The following PDE6A variants were observed in gnomAD, a reference collection of about 807,000 sequenced individuals.
PDE6A encodes phosphodiesterase 6A, also known as rod cGMP-specific 3',5'-cyclic phosphodiesterase subunit alpha.
A neutral mutation model predicts 106.3 loss-of-function variants in PDE6A; 84 were observed. That is an observed-to-expected ratio of 0.79 (90% CI 0.66 to 0.95). PDE6A has a LOEUF of 0.95. Among genes scored for constraint, PDE6A ranks in the 40% least tolerant of loss-of-function variants. The pLI, the probability that PDE6A is intolerant of heterozygous loss-of-function variation, is 0.00. For missense variants in PDE6A, 1,052 were observed against 1,084.9 expected, an observed-to-expected ratio of 0.97 and a Z score of 0.43; for synonymous variants, 394 against 386.6, an observed-to-expected ratio of 1.02 and a Z score of -0.23.
At chr5:149,916,923 G>A (rs1173353687) in intron 5 of PDE6A, among the ~76,000 whole-genome samples, 1 of 152,174 alleles carries the variant, frequency 6.6e-6, no homozygotes, top group Non-Finnish European at 1.5e-5. Context: ...CTGGGCCGGT[G>A]CCTGTCTTGT....
intron 4 of PDE6A, among the ~76,000 whole-genome samples, chr5:149,926,171 G>A (rs1419260635): frequency 6.6e-6 from 1 of 152,090 alleles, no homozygotes; most frequent in Admixed American, 6.5e-5. Flanking sequence ...GAACCTGGGA[G>A]TTGGAGGTTG....
At chr5:149,915,440 A>T (rs1402618591) in intron 5 of PDE6A, among the ~76,000 whole-genome samples, 1 of 152,196 alleles carries the variant, frequency 6.6e-6, no homozygotes, top group Non-Finnish European at 1.5e-5. Flanking sequence ...ATTGATATAC[A>T]GTAGTTGTAC....
At chr5:149,888,965 C>T (rs1222065827) in intron 13 of PDE6A, among the ~76,000 whole-genome samples, 1 of 151,388 alleles carries the variant, frequency 6.6e-6, no homozygotes, top group East Asian at 1.9e-4. Flanking sequence ...CGCCTGTAGT[C>T]CCAGCTACTC....
In PDE6A at chr5:149,890,614, A is replaced by G. The variant is rs1243378994; in HGVS notation, c.1729-4240T>C. On this transcript the variant is annotated intron_variant, in intron 13 of 21. Coordinates refer to ENST00000255266, the MANE Select transcript of PDE6A (RefSeq NM_000440.3). ...TCCTTGTCAATTGTGTCATTATTGT[A>G]ATGAACTCTCATGAGATCTTTAACC... Among the ~76,000 whole-genome samples the G allele has an allele frequency of 3.3e-5, 5 of 152,300 alleles. No individual in the cohort carries two copies. In the East Asian group the frequency reaches 7.7e-4, roughly 23 times the overall value.
chr5:149,893,277 C>A (rs1437186077), intron 13 of PDE6A, among the ~76,000 whole-genome samples: 1 of 152,198 alleles, frequency 6.6e-6, no homozygotes, highest in Non-Finnish European at 1.5e-5. Context: ...AGTCTTGGAT[C>A]TACATCTCTC....
chr5:149,944,485 A>G lies in PDE6A; in HGVS notation c.189T>C (p.Asp63=), dbSNP rs749579890. The change falls in exon 1 of 22, where the codon GAT becomes GAC. Residue 63 remains aspartate (D), a synonymous_variant. Coordinates refer to ENST00000255266, the MANE Select transcript of PDE6A (RefSeq NM_000440.3). Reference sequence around the variant, plus strand: ...AATTCTCCTGAAAGTCCCGCAGGAGATCAAAGATGATTTCGCTCTCCTCCA... The same window carrying G: ...AATTCTCCTGAAAGTCCCGCAGGAGGTCAAAGATGATTTCGCTCTCCTCCA... The part of the protein sequence containing the change: ...SSMEESEIIF[D]LLRDFQENLQ... 2.5e-6 allele frequency: 4 copies of G among 1,613,946 alleles called. No individual in the cohort carries two copies. In the Admixed American group the frequency reaches 6.7e-5, roughly 27 times the overall value.
At position 149,883,470 on chromosome 5, in the gene PDE6A, T is replaced by C. The variant is rs1419804549; in HGVS notation, c.2094A>G (p.Thr698=). The C allele has an allele frequency of 1.9e-5, 30 of 1,613,758 alleles. No homozygotes were observed. The highest frequency in any genetic ancestry group is 2.5e-5 in the Non-Finnish European group (29 of 1,179,766). ...SKTYESEQEW[T]QYMMLEQTRK... is the part of the protein sequence containing the mutation. Reference sequence around the variant, plus strand: ...GTGTCTGCTCCAGCATCATGTACTGTGTCCACTCCTGTTCACTCTCATATG... The same window carrying C: ...GTGTCTGCTCCAGCATCATGTACTGCGTCCACTCCTGTTCACTCTCATATG... Residue 698 remains threonine, a synonymous_variant, in exon 17 of 22, where the codon ACA becomes ACG. Coordinates refer to ENST00000255266, the MANE Select transcript of PDE6A (RefSeq NM_000440.3).
At chr5:149,898,259 G>A in intron 10 of PDE6A, 104 bp downstream of exon 10, 1 of 994,218 alleles carries the variant, frequency 1.0e-6, no homozygotes, top group South Asian at 1.3e-5. Context: ...ACAAACCCAT[G>A]CCCAGGCTGT....
At chr5:149,917,650 G>A (rs992551388) in intron 5 of PDE6A, among the ~76,000 whole-genome samples, 1 of 152,128 alleles carries the variant, frequency 6.6e-6, no homozygotes, top group Non-Finnish European at 1.5e-5. Context: ...CCCTAAAATA[G>A]GAAGCATCCA....
intron 13 of PDE6A, among the ~76,000 whole-genome samples, chr5:149,889,422 T>A (rs1384420620): frequency 1.3e-5 from 2 of 151,884 alleles, no homozygotes; most frequent in East Asian, 3.9e-4. Flanking sequence ...TGTATTTTTA[T>A]TTATTTATTT....
chr5:149,860,724 C>T lies in PDE6A; in HGVS notation c.*171G>A. ...TATGTGTGACCCAAGACAATTCTTCCAATGTGGCCCAGGGAAGCCAAAAGA... is the reference window on the plus strand; with the variant it reads ...TATGTGTGACCCAAGACAATTCTTCTAATGTGGCCCAGGGAAGCCAAAAGA... On this transcript the variant is annotated 3_prime_UTR_variant, in exon 22 of 22. Coordinates refer to ENST00000255266, the MANE Select transcript of PDE6A (RefSeq NM_000440.3). 1 of 556,946 alleles carries T rather than the reference C, an allele frequency of 1.8e-6. No individual in the cohort carries two copies. The highest frequency in any genetic ancestry group is 2.6e-5 in the South Asian group (1 of 38,048). The allele number at this position is 556,946 out of a possible 1,614,324, so 34.5% of individuals were successfully genotyped here. A position where few individuals can be genotyped will look rare whatever the true frequency, so the allele number is the denominator to read the frequency against.
intron 17 of PDE6A, among the ~76,000 whole-genome samples, chr5:149,868,845 T>C (rs552198672): frequency 6.6e-6 from 1 of 152,350 alleles, no homozygotes; most frequent in African/African-American, 2.4e-5. Flanking sequence ...ATACTCCATT[T>C]TTCTATCAGT....
At chr5:149,898,604 G>A in intron 9 of PDE6A, 98 bp from the exon 10 acceptor site, 1 of 1,291,334 alleles carries the variant, frequency 7.7e-7, no homozygotes, top group Non-Finnish European at 1.1e-6. Context: ...TGTTTTCTCA[G>A]CTATAAAATG....
chr5:149,901,161 C>T (rs1296290089), intron 8 of PDE6A, among the ~76,000 whole-genome samples: 3 of 152,124 alleles, frequency 2.0e-5, no homozygotes, highest in Non-Finnish European at 4.4e-5. Context: ...GGTAATCTGC[C>T]CGCCTCGGTC....
chr5:149,929,436 C>A (rs1753959962), intron 4 of PDE6A, among the ~76,000 whole-genome samples: 1 of 152,008 alleles, frequency 6.6e-6, no homozygotes, highest in African/African-American at 2.4e-5. Flanking sequence ...GAAACCCCGT[C>A]TCTACTAAAA....
intron 4 of PDE6A, among the ~76,000 whole-genome samples, chr5:149,929,602 G>A (rs532620148): frequency 1.1e-4 from 11 of 95,850 alleles, no homozygotes; most frequent in Non-Finnish European, 1.0e-4. Flanking sequence ...GCGAGACTCC[G>A]TCTCAAAAAA....
chr5:149,920,971 A>AAAGAAAGAAAG (rs1753695805), intron 5 of PDE6A, among the ~76,000 whole-genome samples: 4 of 131,312 alleles, frequency 3.0e-5, no homozygotes, highest in Admixed American at 2.2e-4. Flanking sequence ...AGAAAGAAAG[A>AAAGAAAGAAAG]AAGAAAGAAA....
At chr5:149,877,317 C>A (rs1381864899) in intron 17 of PDE6A, among the ~76,000 whole-genome samples, 1 of 152,136 alleles carries the variant, frequency 6.6e-6, no homozygotes, top group Non-Finnish European at 1.5e-5. Context: ...GTGGTTCATG[C>A]CTGTAATCCC....
intron 1 of PDE6A, among the ~76,000 whole-genome samples, chr5:149,938,642 G>T (rs1227106524): frequency 6.6e-6 from 1 of 152,206 alleles, no homozygotes; most frequent in East Asian, 1.9e-4. Context: ...CCTTCCCAAT[G>T]AAATTTGAAT....
Sources: gnomAD v4.1 joint callset for allele counts (sites outside exome capture counted in the v4.1 genomes callset) on GRCh38, gnomAD v4.1.1 for gene constraint, MANE v1.5 for transcripts, NCBI Gene and HGNC (gene_info 2026-07-23, HGNC 2026-07-21) for gene names.